The following BIRC6 variants were observed in gnomAD, a reference collection of about 807,000 sequenced individuals.
The protein encoded by BIRC6 is baculoviral IAP repeat containing 6.
Under a neutral mutation model 503.3 loss-of-function variants are expected in BIRC6, and 98 were observed. The observed-to-expected ratio is 0.19, with a 90% CI of 0.17 to 0.23. BIRC6 has a LOEUF of 0.23. Ranked by LOEUF, BIRC6 falls within the 10% of genes least tolerant of loss-of-function variation. The pLI is 1.00. For missense variants in BIRC6, 5,360 were observed against 5,806.0 expected, an observed-to-expected ratio of 0.92 and a Z score of 2.50; for synonymous variants, 2,240 against 2,078.7, an observed-to-expected ratio of 1.08 and a Z score of -2.11.
In BIRC6 at chr2:32,468,524, T is replaced by C. The variant is rs781167299; in HGVS notation, c.5868T>C (p.Phe1956=). Residue 1956 remains phenylalanine, a synonymous_variant, in exon 29 of 74, where the codon TTT becomes TTC. Coordinates refer to ENST00000421745, the MANE Select transcript of BIRC6 (RefSeq NM_016252.4). ...ACAGTGCTAACAATGCACAGTACTT[T>C]TTACGAAAACCAGATAAGGCAGTTG... ...PLNSANNAQY[F]LRKPDKAVEE... 7 of 1,613,898 alleles carry C rather than the reference T, an allele frequency of 4.3e-6. No homozygotes were observed. Among genetic ancestry groups the C allele is most frequent in the Admixed American group, 3.3e-5 (2 of 60,004 alleles).
chr2:32,496,471 G>T (rs1049976591), intron 45 of BIRC6, among the ~76,000 whole-genome samples: 3 of 152,034 alleles, frequency 2.0e-5, no homozygotes, highest in African/African-American at 4.8e-5. Context: ...AGATCCACCT[G>T]CCTCCATTTC....
chr2:32,448,768 T>C, intron 21 of BIRC6, 27 bp from the exon 22 acceptor site: 1 of 1,582,916 alleles, frequency 6.3e-7, no homozygotes, highest in Non-Finnish European at 8.6e-7. Context: ...GAAAGGAAAA[T>C]TGTTAGTGCA....
chr2:32,488,028 A>C (rs1367952659), intron 41 of BIRC6, among the ~76,000 whole-genome samples: 1 of 55,418 alleles, frequency 1.8e-5, no homozygotes, highest in Non-Finnish European at 3.4e-5. Context: ...TTCCTACTAC[A>C]CATACACACA....
rs979497104 is a variant in BIRC6 at position 32,519,049 on chromosome 2, T to C, written c.11623+103T>C. 2.2e-5 allele frequency: 25 copies of C among 1,145,022 alleles called. No individual in the cohort carries two copies. The African/African-American group carries it at 2.9e-4, about 13-fold the overall frequency. 70.9% of individuals were successfully genotyped at this position (1,145,022 alleles called of 1,614,324 possible). ...ATTTTCTGCATCCACTTTGCAACCATTGATGACTAGGAAAGTTCAAGACAT... is the reference window on the plus strand; with the variant it reads ...ATTTTCTGCATCCACTTTGCAACCACTGATGACTAGGAAAGTTCAAGACAT... On this transcript the variant is annotated intron_variant, in intron 57 of 73. Transcript: ENST00000421745.
chr2:32,487,487 TA>T (rs1302639193), intron 40 of BIRC6, among the ~76,000 whole-genome samples, 159 bp from the exon 41 acceptor site: 3 of 152,230 alleles, frequency 2.0e-5, no homozygotes, highest in Admixed American at 6.5e-5. Flanking sequence ...AGTAATGTTA[TA>T]AAAACACGTT....
At chr2:32,499,525 C>A in intron 45 of BIRC6, 22 bp from the exon 46 acceptor site, 1 of 376,640 alleles carries the variant, frequency 2.7e-6, no homozygotes, top group Non-Finnish European at 3.9e-6. Flanking sequence ...CTTTTTCTGT[C>A]TCTCTCTCTC....
chr2:32,398,833 C>G (rs1217582107), intron 6 of BIRC6, among the ~76,000 whole-genome samples: 1 of 152,056 alleles, frequency 6.6e-6, no homozygotes, highest in Non-Finnish European at 1.5e-5. Flanking sequence ...GGGAGGGAAC[C>G]TGGCCCAAAT....
chr2:32,542,639 C>A (rs1489459058), intron 61 of BIRC6, among the ~76,000 whole-genome samples: 1 of 152,074 alleles, frequency 6.6e-6, no homozygotes, highest in African/African-American at 2.4e-5. Flanking sequence ...AATGCTAAGA[C>A]TGATCAAAAG....
In BIRC6 at chr2:32,465,067, T is replaced by C; in HGVS notation, c.5259T>C (p.Asn1753=). The part of the protein sequence containing the change: ...HNKNSNKSRM[N]PLGSGLALAI... ...TTTTTTTTTTTTCCCTGCTCTAGAA[T>C]CCACTTGGTTCTGGTCTAGCCCTTG... Residue 1753 remains asparagine (N), a splice_region_variant and synonymous_variant, in exon 26 of 74, where the codon AAT becomes AAC. Coordinates refer to ENST00000421745, the MANE Select transcript of BIRC6 (RefSeq NM_016252.4). 6.4e-7 allele frequency: 1 copy of C among 1,572,778 alleles called. No homozygotes were observed. Among genetic ancestry groups the C allele is most frequent in the African/African-American group, 1.4e-5 (1 of 73,534 alleles).
chr2:32,357,088 A>T lies in BIRC6; in HGVS notation c.-74A>T. ...CGAGTTTGGCCCCTCCGGCCGGGCG[A>T]TCGACGTTCCGCGTGCGTGCGGGCG... On this transcript the variant is annotated 5_prime_UTR_variant, in exon 1 of 74. Transcript: ENST00000421745. This position sits in a 1 kb window ranked among gnomAD's most constrained non-coding sequence, Gnocchi z 4.9. 7.7e-7 allele frequency: 1 copy of T among 1,301,004 alleles called. No homozygotes were observed. Among genetic ancestry groups the T allele is most frequent in the Non-Finnish European group, 1.0e-6 (1 of 993,108 alleles). The allele number at this position is 1,301,004 out of a possible 1,614,324, so 80.6% of individuals were successfully genotyped here.
At chr2:32,472,924 G>C in intron 32 of BIRC6, 188 bp from the exon 33 acceptor site, 2 of 505,374 alleles carry the variant, frequency 4.0e-6, no homozygotes. Context: ...GTCTACATTA[G>C]ATAATTGACA....
In BIRC6 at chr2:32,399,108, C is replaced by T. The variant is rs926404258; in HGVS notation, c.1035-2055C>T. Among the ~76,000 whole-genome samples, 5 of 151,968 alleles carry T rather than the reference C, an allele frequency of 3.3e-5. No homozygotes were observed. In the East Asian group the frequency reaches 9.7e-4, roughly 29 times the overall value. ...ATTTATTTATTTATTTTTTTGGAGA[C>T]ACAGTCTTACTTTGTTGCCCAGGCT... On this transcript the variant is annotated intron_variant, in intron 6 of 73. Transcript: ENST00000421745.
intron 60 of BIRC6, among the ~76,000 whole-genome samples, chr2:32,530,622 A>AG (rs1451873910): frequency 0.058 from 10 of 172 alleles, no homozygotes; most frequent in African/African-American, 0.17. Flanking sequence ...GGTTGTTTCC[A>AG]ATTTTTACTC....
chr2:32,451,814 T>G (rs922505533), intron 22 of BIRC6, among the ~76,000 whole-genome samples: 6 of 152,234 alleles, frequency 3.9e-5, no homozygotes, highest in African/African-American at 1.4e-4. Flanking sequence ...ATAGTGAGCT[T>G]GATAGCTTCC....
intron 73 of BIRC6, among the ~76,000 whole-genome samples, chr2:32,614,170 C>CCCCT (rs2063081902): frequency 6.6e-6 from 1 of 152,172 alleles, no homozygotes; most frequent in Admixed American, 6.5e-5. Flanking sequence ...TCATCCAGCA[C>CCCCT]CCCTGGTCAG....
intron 1 of BIRC6, among the ~76,000 whole-genome samples, chr2:32,366,819 C>T (rs1310622095): frequency 8.0e-6 from 1 of 125,710 alleles, no homozygotes. Context: ...CCCGTCTCTA[C>T]AAAAAAAAAA....
At chr2:32,472,384 A>T (rs1303266714) in intron 32 of BIRC6, among the ~76,000 whole-genome samples, 1 of 152,228 alleles carries the variant, frequency 6.6e-6, no homozygotes, top group Non-Finnish European at 1.5e-5. Context: ...ACAGTCTTGA[A>T]AAAAAGAAAA....
intron 51 of BIRC6, 132 bp downstream of exon 51, chr2:32,508,391 T>A (rs1014292275): frequency 2.5e-6 from 3 of 1,201,304 alleles, no homozygotes; most frequent in East Asian, 5.2e-5. Context: ...TAGGTATCTG[T>A]ATAATACAAT....
rs749046826 is a variant in BIRC6 at position 32,524,928 on chromosome 2, A to G, written c.11664A>G (p.Lys3888=). 498 of 1,522,566 alleles carry G rather than the reference A, an allele frequency of 3.3e-4. 3 individuals are homozygous for G. Among genetic ancestry groups the G allele is most frequent in the Non-Finnish European group, 1.0e-4 (114 of 1,131,896 alleles). The allele number at this position is 1,522,566 out of a possible 1,614,324, so 94.3% of individuals were successfully genotyped here. ...SITAKLISEQ[K]DDKEKKNHEE... is the part of the protein sequence containing the mutation. ...CAGCTAAATTAATTAGTGAACAAAAAGATGACAAAGAAAAGAAAAACCATG... is the reference window on the plus strand; with the variant it reads ...CAGCTAAATTAATTAGTGAACAAAAGGATGACAAAGAAAAGAAAAACCATG... The change falls in exon 58 of 74, where the codon AAA becomes AAG. Residue 3888 remains lysine (K), a synonymous_variant. Coordinates refer to ENST00000421745, the MANE Select transcript of BIRC6 (RefSeq NM_016252.4).
Sources: gnomAD v4.1 joint callset for allele counts (sites outside exome capture counted in the v4.1 genomes callset) on GRCh38, gnomAD v4.1.1 for gene constraint, Gnocchi (gnomAD v3.1) non-coding constraint, MANE v1.5 for transcripts, NCBI Gene and HGNC (gene_info 2026-07-23, HGNC 2026-07-21) for gene names.